Variants in EMC2 observed in about 807,000 individuals in gnomAD.
The protein encoded by EMC2 is ER membrane protein complex subunit 2.
EMC2 carries 37 observed loss-of-function variants against 51.6 expected under a neutral mutation model. The observed-to-expected ratio is 0.72, with a 90% CI of 0.55 to 0.94. EMC2 has a LOEUF of 0.94. EMC2 is among the 40% of genes least tolerant of loss of function. EMC2 has a pLI of 0.00. For synonymous variants in EMC2, 131 were observed against 112.4 expected, an observed-to-expected ratio of 1.17 and a Z score of -1.04; for missense variants, 359 against 350.9, an observed-to-expected ratio of 1.02 and a Z score of -0.18.
chr8:108,480,754 T>C (rs1382499430), intron 10 of EMC2, among the ~76,000 whole-genome samples: 1 of 152,174 alleles, frequency 6.6e-6, no homozygotes, highest in Non-Finnish European at 1.5e-5. Flanking sequence ...CAGTTTGGTT[T>C]CAGTTTTTAA....
chr8:108,461,281 C>T (rs1455324389), intron 5 of EMC2, among the ~76,000 whole-genome samples: 1 of 152,216 alleles, frequency 6.6e-6, no homozygotes, highest in Non-Finnish European at 1.5e-5. Context: ...CTTTAAGCAG[C>T]TGTACTTCCT....
At chr8:108,455,469 C>G (rs1180779344) in intron 4 of EMC2, among the ~76,000 whole-genome samples, 2 of 152,028 alleles carry the variant, frequency 1.3e-5, no homozygotes, top group Non-Finnish European at 2.9e-5. Context: ...TTTACTTTTT[C>G]CATTAGAGTT....
intron 3 of EMC2, among the ~76,000 whole-genome samples, chr8:108,451,552 G>T (rs1025840900): frequency 6.6e-6 from 1 of 152,132 alleles, no homozygotes; most frequent in Non-Finnish European, 1.5e-5. Context: ...CCTTTTCAAG[G>T]TTGGGTTGGC....
At chr8:108,451,181 C>T (rs989936351) in intron 3 of EMC2, among the ~76,000 whole-genome samples, 5 of 149,572 alleles carry the variant, frequency 3.3e-5, no homozygotes, top group Non-Finnish European at 7.4e-5. Context: ...CCAGCCTGGG[C>T]AACAGAGCGA....
chr8:108,483,301 G>C (rs1027009899), intron 10 of EMC2, among the ~76,000 whole-genome samples: 1 of 152,016 alleles, frequency 6.6e-6, no homozygotes, highest in Admixed American at 6.6e-5. Flanking sequence ...TCTGAGTTTT[G>C]ACAAATGTGT....
chr8:108,471,913 T>G (rs1810864512), intron 7 of EMC2, among the ~76,000 whole-genome samples: 1 of 151,914 alleles, frequency 6.6e-6, no homozygotes, highest in Admixed American at 6.6e-5. Flanking sequence ...TTTACTAGAG[T>G]CCCTCTTTAA....
At chr8:108,461,241 C>T (rs1160069761) in intron 5 of EMC2, among the ~76,000 whole-genome samples, 1 of 152,158 alleles carries the variant, frequency 6.6e-6, no homozygotes, top group Admixed American at 6.6e-5. Flanking sequence ...TTCTGGATAT[C>T]CAGTATAGAA....
chr8:108,458,754 G>T (rs1819230500), intron 5 of EMC2, among the ~76,000 whole-genome samples: 1 of 152,178 alleles, frequency 6.6e-6, no homozygotes, highest in South Asian at 2.1e-4. Context: ...CCTCTGACAT[G>T]CCCTGGAGAC....
intron 5 of EMC2, among the ~76,000 whole-genome samples, chr8:108,456,332 CAAAAAAAAAAAAAAAGAA>C (rs1200728269): frequency 8.5e-5 from 2 of 23,612 alleles, no homozygotes; most frequent in African/African-American, 3.8e-4. Context: ...GACTTCGTGT[CAAAAAAAAAAAAAAAGAA>C]AAAAAAAAAA....
At chr8:108,451,364 A>G (rs1819017344) in intron 3 of EMC2, among the ~76,000 whole-genome samples, 1 of 151,692 alleles carries the variant, frequency 6.6e-6, no homozygotes, top group South Asian at 2.1e-4. Flanking sequence ...TTTGTGTTTG[A>G]TGTTATTATT....
chr8:108,445,217 A>G (rs768436848), intron 1 of EMC2, among the ~76,000 whole-genome samples: 26 of 152,254 alleles, frequency 1.7e-4, no homozygotes, highest in Admixed American at 3.3e-4. Flanking sequence ...GTAGGAACAA[A>G]GAAAACATTT....
chr8:108,478,470 C>T (rs922757961), intron 9 of EMC2, among the ~76,000 whole-genome samples: 4 of 151,930 alleles, frequency 2.6e-5, no homozygotes, highest in Non-Finnish European at 5.9e-5. Context: ...TTCTTTATTT[C>T]GAAGACCCAT....
chr8:108,450,520 A>C, intron 3 of EMC2, 28 bp downstream of exon 3: 2 of 1,293,560 alleles, frequency 1.5e-6, no homozygotes, highest in Non-Finnish European at 2.3e-6. Context: ...GTATATATTT[A>C]ATTTGCTTCA....
chr8:108,458,492 A>C (rs911524229), intron 5 of EMC2, among the ~76,000 whole-genome samples: 18 of 152,140 alleles, frequency 1.2e-4, no homozygotes, highest in Admixed American at 5.2e-4. Context: ...AGGGGTTCCT[A>C]AACCTCAATT....
rs770455199 is a variant in EMC2, at chr8:108,453,039, C to G, written c.220-23C>G. The G allele has an allele frequency of 9.8e-6, 14 of 1,423,906 alleles. No individual in the cohort carries two copies. In the Admixed American group the frequency reaches 2.6e-4, roughly 27 times the overall value. 88.2% of individuals were successfully genotyped at this position (1,423,906 alleles called of 1,614,324 possible). Reference sequence around the variant, plus strand: ...CCATTTAGTATAAATAATGTAATTACTACTCAACCCTTATTTTTTCAGTTT... The same window carrying G: ...CCATTTAGTATAAATAATGTAATTAGTACTCAACCCTTATTTTTTCAGTTT... On this transcript the variant is annotated intron_variant, in intron 3 of 10. Transcript: ENST00000220853.
intron 1 of EMC2, 125 bp from the exon 2 acceptor site, chr8:108,449,698 T>C: frequency 1.8e-6 from 1 of 545,758 alleles, no homozygotes; most frequent in South Asian, 2.3e-5. Context: ...GACTTCTACA[T>C]GATTGTGAGT....
chr8:108,443,926 C>T (rs561387860), intron 1 of EMC2, among the ~76,000 whole-genome samples: 1 of 152,192 alleles, frequency 6.6e-6, no homozygotes, highest in Admixed American at 6.5e-5. Context: ...TGCCCTCCTC[C>T]GCGCCAGTCC....
At chr8:108,470,739 T>C in intron 7 of EMC2, 1 of 152,172 alleles carries the variant, frequency 6.6e-6, no homozygotes, top group East Asian at 1.9e-4. Flanking sequence ...GTGCAAGTTT[T>C]CTAATATTAC....
chr8:108,462,223 G>GTGTGTGTGTGTGTGTGTGCC lies in EMC2; in HGVS notation c.363+6300_363+6301insGTGTGTGTGTGCCTGTGTGT, dbSNP rs1444871656. Among the ~76,000 whole-genome samples, 4 of 89,610 alleles carry GTGTGTGTGTGTGTGTGTGCC rather than the reference G, an allele frequency of 4.5e-5. No homozygotes were observed. The East Asian group carries it at 2.2e-3, about 49-fold the overall frequency. The allele number at this position is 89,610 out of a possible 152,430, so 58.8% of individuals were successfully genotyped here. On this transcript the variant is annotated intron_variant, in intron 5 of 10. Coordinates refer to ENST00000220853, the MANE Select transcript of EMC2 (RefSeq NM_014673.5). ...GCATGTGTGTGTGTTTTGTGTGCGT[G>GTGTGTGTGTGTGTGTGTGCC]TGTGTGTATTCCTCTGACAGGGAGA...
Sources: allele counts gnomAD v4.1 joint callset (sites outside exome capture counted in the v4.1 genomes callset), GRCh38; gene constraint gnomAD v4.1.1; transcripts MANE v1.5; gene names NCBI Gene and HGNC (gene_info 2026-07-23, HGNC 2026-07-21).